Variants in GXYLT2 observed in about 807,000 individuals in gnomAD.
The protein encoded by GXYLT2 is glucoside xylosyltransferase 2.
GXYLT2 carries 53 observed loss-of-function variants against 45.8 expected under a neutral mutation model. That is an observed-to-expected ratio of 1.16 (90% CI 0.93 to 1.46). The LOEUF is 1.46. Among genes scored for constraint, GXYLT2 ranks in the 40% most tolerant of loss-of-function variants. GXYLT2 has a pLI of 0.00. For synonymous variants in GXYLT2, 219 were observed against 214.2 expected (o/e 1.02, Z -0.19); for missense variants, 551 against 544.4 (o/e 1.01, Z -0.12).
chr3:72,919,418 A>G (rs1709792191), intron 2 of GXYLT2, among the ~76,000 whole-genome samples: 1 of 151,862 alleles, frequency 6.6e-6, no homozygotes, highest in Non-Finnish European at 1.5e-5. Flanking sequence ...GATTCTAACT[A>G]TATCACATTC....
intron 5 of GXYLT2, among the ~76,000 whole-genome samples, chr3:72,962,250 C>T (rs1052126160): frequency 2.6e-5 from 4 of 152,170 alleles, no homozygotes; most frequent in Admixed American, 2.6e-4. Context: ...TAACAAATCA[C>T]TGTTTCAGGA....
At chr3:72,908,337 A>G in intron 1 of GXYLT2, 30 bp from the exon 2 acceptor site, 10 of 1,544,160 alleles carry the variant, frequency 6.5e-6, no homozygotes, top group East Asian at 2.3e-5. Flanking sequence ...GAGTTTAGTA[A>G]TAGCTTTCAC....
At chr3:72,938,923 T>G (rs1281409058) in intron 3 of GXYLT2, among the ~76,000 whole-genome samples, 1 of 152,216 alleles carries the variant, frequency 6.6e-6, no homozygotes, top group Non-Finnish European at 1.5e-5. Context: ...TTGCAAAGAC[T>G]AAACTGATCA....
chr3:72,921,381 C>T (rs1709831036), intron 2 of GXYLT2, among the ~76,000 whole-genome samples: 1 of 152,038 alleles, frequency 6.6e-6, no homozygotes. Flanking sequence ...CAAAAGACAT[C>T]TACTTTATTC....
chr3:72,957,154 C>G (rs1009722682), intron 4 of GXYLT2, 75 bp from the exon 5 acceptor site: 69 of 1,432,288 alleles, frequency 4.8e-5, no homozygotes, highest in Non-Finnish European at 6.4e-5. Context: ...GAAAACTAGT[C>G]CCTTTACATT....
Position 72,905,364 on chromosome 3 carries a change from C to T in GXYLT2, c.276-3003C>T, listed in dbSNP as rs546073872. On this transcript the variant is annotated intron_variant, in intron 1 of 6. Transcript: ENST00000389617. ...AACTCCTGACCTCAAGTGGTCTGCC[C>T]GCCTCGAACTCCTGCTGGGATTATA... is the stretch of plus-strand genomic sequence containing the variant. Among the ~76,000 whole-genome samples, 215 of 152,188 alleles carry T rather than the reference C, an allele frequency of 1.4e-3. 1 individual carries two copies. The highest frequency in any genetic ancestry group is 3.4e-3 in the Middle Eastern group (1 of 294).
chr3:72,912,627 T>C (rs1709654647), intron 2 of GXYLT2, among the ~76,000 whole-genome samples: 1 of 152,238 alleles, frequency 6.6e-6, no homozygotes, highest in South Asian at 2.1e-4. Context: ...ATACAGCTTC[T>C]GCCTGGCTCT....
chr3:72,920,792 G>A (rs1709817730), intron 2 of GXYLT2, among the ~76,000 whole-genome samples: 1 of 145,736 alleles, frequency 6.9e-6, no homozygotes, highest in Non-Finnish European at 1.5e-5. Flanking sequence ...CATATAAAAT[G>A]TACATGCATA....
At chr3:72,911,016 G>C (rs1709607634) in intron 2 of GXYLT2, among the ~76,000 whole-genome samples, 1 of 152,192 alleles carries the variant, frequency 6.6e-6, no homozygotes, top group Admixed American at 6.6e-5. Context: ...GAAGGGCCAG[G>C]CGTGGTGGCT....
intron 1 of GXYLT2, among the ~76,000 whole-genome samples, chr3:72,892,458 C>A (rs1709201491): frequency 6.6e-6 from 1 of 152,182 alleles, no homozygotes; most frequent in Non-Finnish European, 1.5e-5. Flanking sequence ...ATTCCATAGT[C>A]ATTCAGCAAA....
intron 3 of GXYLT2, among the ~76,000 whole-genome samples, chr3:72,950,593 G>C (rs1351264494): frequency 6.6e-6 from 1 of 151,706 alleles, no homozygotes; most frequent in Non-Finnish European, 1.5e-5. Context: ...TTGCACCACT[G>C]CACTCCAACC....
At chr3:72,936,537 G>C (rs970806165) in intron 3 of GXYLT2, among the ~76,000 whole-genome samples, 1 of 152,092 alleles carries the variant, frequency 6.6e-6, no homozygotes, top group Non-Finnish European at 1.5e-5. Flanking sequence ...CTACTCGGGA[G>C]GCTGAGGCAG....
chr3:72,890,415 C>T (rs949088449), intron 1 of GXYLT2, among the ~76,000 whole-genome samples: 1 of 152,220 alleles, frequency 6.6e-6, no homozygotes, highest in Non-Finnish European at 1.5e-5. Flanking sequence ...AGAACCTGCT[C>T]TGCAAAGTAA....
At chr3:72,962,967 C>A (rs199643690) in intron 5 of GXYLT2, among the ~76,000 whole-genome samples, 6 of 139,074 alleles carry the variant, frequency 4.3e-5, no homozygotes, top group Non-Finnish European at 6.3e-5. Context: ...AAAAAAAAAA[C>A]AAAAAAACTA....
chr3:72,943,831 T>C (rs1190357617), intron 3 of GXYLT2, among the ~76,000 whole-genome samples: 1 of 151,914 alleles, frequency 6.6e-6, no homozygotes, highest in African/African-American at 2.4e-5. Context: ...CTGTATTGCT[T>C]GCACCTTTCC....
intron 3 of GXYLT2, among the ~76,000 whole-genome samples, chr3:72,942,795 G>A (rs1190832755): frequency 6.6e-6 from 1 of 152,094 alleles, no homozygotes; most frequent in Admixed American, 6.6e-5. Flanking sequence ...TTACAGATTG[G>A]AGGAGACTAA....
chr3:72,910,558 G>A (rs917149630), intron 2 of GXYLT2, among the ~76,000 whole-genome samples: 1 of 152,192 alleles, frequency 6.6e-6, no homozygotes, highest in African/African-American at 2.4e-5. Context: ...CCAAAACTCA[G>A]ACACTTTTCA....
intron 1 of GXYLT2, among the ~76,000 whole-genome samples, chr3:72,894,523 A>T (rs1447906084): frequency 6.6e-6 from 1 of 152,244 alleles, no homozygotes; most frequent in Non-Finnish European, 1.5e-5. Context: ...CAGAGACTAT[A>T]TGGTAAATGT....
intron 3 of GXYLT2, among the ~76,000 whole-genome samples, chr3:72,938,018 G>A (rs1710223567): frequency 6.6e-6 from 1 of 152,132 alleles, no homozygotes. Context: ...CAGCATTTTG[G>A]GAGGCAGAGG....
Sources: allele counts gnomAD v4.1 joint callset (sites outside exome capture counted in the v4.1 genomes callset), GRCh38; gene constraint gnomAD v4.1.1; transcripts MANE v1.5; gene names NCBI Gene and HGNC (gene_info 2026-07-23, HGNC 2026-07-21).